Variants in NBEA observed in about 807,000 individuals in gnomAD.
NBEA encodes the protein neurobeachin, also known as lysosomal-trafficking regulator 2.
NBEA carries 44 observed loss-of-function variants against 343.4 expected under a neutral mutation model. That is an observed-to-expected ratio of 0.13 (90% confidence interval 0.10 to 0.16). NBEA has a LOEUF of 0.16. Among genes scored for constraint, NBEA ranks in the 10% least tolerant of loss-of-function variants. NBEA has a pLI of 1.00. For synonymous variants in NBEA, 1,175 were observed against 1,238.7 expected, an observed-to-expected ratio of 0.95 and a Z score of 1.08; for missense variants, 2,555 against 3,631.3, an observed-to-expected ratio of 0.70 and a Z score of 7.62.
At chr13:35,156,707 T>C (rs59519926) in intron 20 of NBEA, among the ~76,000 whole-genome samples, 6,668 of 152,252 alleles carry the variant, frequency 0.044, 261 homozygotes, top group African/African-American at 0.1. Flanking sequence ...AGTGTAAGAC[T>C]TTGTGCTACA....
chr13:34,967,833 T>TA (rs879846130), intron 1 of NBEA, among the ~76,000 whole-genome samples: 2 of 152,086 alleles, frequency 1.3e-5, no homozygotes, highest in Non-Finnish European at 2.9e-5. Context: ...TCAATCCTGA[T>TA]ACTACATAGA....
intron 38 of NBEA, among the ~76,000 whole-genome samples, chr13:35,393,241 T>C (rs1489040725): frequency 2.0e-5 from 3 of 152,074 alleles, no homozygotes; most frequent in Non-Finnish European, 2.9e-5. Flanking sequence ...CAAAACACAT[T>C]TTAGCACATT....
At chr13:35,564,794 C>G (rs1470393013) in intron 44 of NBEA, among the ~76,000 whole-genome samples, 2 of 152,214 alleles carry the variant, frequency 1.3e-5, no homozygotes, top group African/African-American at 2.4e-5. Context: ...ATATATACCT[C>G]TACGCCTTTG....
Position 35,110,997 on chromosome 13 carries a change from C to T in NBEA, c.2002+19C>T, listed in dbSNP as rs759813816. The T allele has an allele frequency of 6.3e-7, 1 of 1,575,460 alleles. No homozygotes were observed. The highest frequency in any genetic ancestry group is 1.1e-5 in the South Asian group (1 of 87,504). ...GGATTAGGTATGTATACCACTTCCA[C>T]TGTATTTACATTTGCCTATGATTAT... On this transcript the variant is annotated intron_variant, in intron 13 of 58. Coordinates refer to ENST00000379939, the MANE Select transcript of NBEA (RefSeq NM_001385012.1).
chr13:35,002,991 G>A (rs1211505602), intron 1 of NBEA, among the ~76,000 whole-genome samples: 1 of 152,112 alleles, frequency 6.6e-6, no homozygotes, highest in African/African-American at 2.4e-5. Flanking sequence ...TAAAACCTCA[G>A]TAAATTTCAT....
Position 35,265,399 on chromosome 13 carries a change from C to T in NBEA, c.5777-24990C>T, listed in dbSNP as rs113559849. ...AAATATGTATGGAACCACAGAAGAC[C>T]CCAAATAGCCAAAGTAATCTTGAGT... On this transcript the variant is annotated intron_variant, in intron 34 of 58. Transcript: ENST00000379939. Among the ~76,000 whole-genome samples the T allele has an allele frequency of 4.8e-3, 732 of 151,662 alleles. 8 individuals are homozygous for T. The highest frequency in any genetic ancestry group is 0.016 in the African/African-American group (646 of 41,442).
rs2085404944 is a variant in NBEA at position 35,667,279 on chromosome 13, T to C, written c.8465-95T>C. On this transcript the variant is annotated intron_variant, in intron 56 of 58. Transcript: ENST00000379939. Reference sequence around the variant, plus strand: ...CTTTCCTGTCCTCTTCCGTCACATCTGAGCGCACACCCAGCAAGGTTTTCA... The same window carrying C: ...CTTTCCTGTCCTCTTCCGTCACATCCGAGCGCACACCCAGCAAGGTTTTCA... 2.1e-5 allele frequency: 21 copies of C among 1,004,016 alleles called. No individual in the cohort carries two copies. In the South Asian group the frequency reaches 3.2e-4, roughly 15 times the overall value. The allele number at this position is 1,004,016 out of a possible 1,614,324, so 62.2% of individuals were successfully genotyped here.
chr13:35,650,897 C>T (rs967734443), intron 52 of NBEA, among the ~76,000 whole-genome samples: 2 of 152,268 alleles, frequency 1.3e-5, no homozygotes, highest in African/African-American at 4.8e-5. Flanking sequence ...TTACTGACCT[C>T]TACATTGCTC....
intron 1 of NBEA, among the ~76,000 whole-genome samples, chr13:34,993,449 A>T (rs2060831446): frequency 6.6e-6 from 1 of 152,204 alleles, no homozygotes; most frequent in Admixed American, 6.5e-5. Context: ...AGACCTTTGC[A>T]TATAGTAGAT....
intron 36 of NBEA, among the ~76,000 whole-genome samples, chr13:35,346,353 C>A (rs763778894): frequency 9.9e-5 from 15 of 152,126 alleles, no homozygotes; most frequent in Non-Finnish European, 1.2e-4. Context: ...AATATCACAT[C>A]TCTTCTCTCT....
In NBEA at chr13:35,550,491, T is replaced by G. The variant is rs778518259; in HGVS notation, c.6600T>G (p.Thr2200=). The change falls in exon 42 of 59, where the codon ACT becomes ACG. Residue 2200 remains threonine (T), a synonymous_variant. Transcript: ENST00000379939. The part of the protein sequence containing the change: ...KKIDTKVLAY[T]EGLHGKWMFS... ...GTTTATTTTAGGTTCTTGCATACAC[T>G]GAGGGACTTCACGGAAAATGGATGT... The G allele has an allele frequency of 2.5e-6, 4 of 1,610,898 alleles. No homozygotes were observed. The African/African-American group carries it at 5.3e-5, about 22-fold the overall frequency.
intron 41 of NBEA, among the ~76,000 whole-genome samples, chr13:35,537,774 G>T (rs2078629833): frequency 6.6e-6 from 1 of 152,154 alleles, no homozygotes. Context: ...GGTAACAAGG[G>T]ACTGAACAAA....
chr13:35,406,255 A>G (rs199532076), intron 38 of NBEA, among the ~76,000 whole-genome samples: 1 of 150,792 alleles, frequency 6.6e-6, no homozygotes, highest in African/African-American at 2.4e-5. Flanking sequence ...ATTTTTCCTC[A>G]ATGGCTTCAC....
At chr13:35,435,457 C>T (rs2045374291) in intron 39 of NBEA, among the ~76,000 whole-genome samples, 1 of 151,872 alleles carries the variant, frequency 6.6e-6, no homozygotes, top group Non-Finnish European at 1.5e-5. Context: ...TTGAGAAATA[C>T]AACGGAGTAG....
At chr13:35,184,875 T>A (rs1164678280) in intron 30 of NBEA, among the ~76,000 whole-genome samples, 3 of 152,258 alleles carry the variant, frequency 2.0e-5, no homozygotes, top group East Asian at 3.9e-4. Flanking sequence ...CTGTGATAGC[T>A]CCAAGATTTT....
chr13:35,213,622 T>G (rs1240136457), intron 33 of NBEA, among the ~76,000 whole-genome samples: 1 of 143,634 alleles, frequency 7.0e-6, no homozygotes, highest in Non-Finnish European at 1.6e-5. Context: ...CTTATTTTTT[T>G]TAGTAATGAT....
chr13:35,037,429 C>G (rs1334630403), intron 1 of NBEA, among the ~76,000 whole-genome samples: 1 of 152,078 alleles, frequency 6.6e-6, no homozygotes, highest in African/African-American at 2.4e-5. Context: ...TTGGTGAGGT[C>G]ATGTTTTTCT....
intron 33 of NBEA, among the ~76,000 whole-genome samples, chr13:35,223,951 G>A (rs528483337): frequency 1.3e-5 from 2 of 152,122 alleles, no homozygotes; most frequent in Non-Finnish European, 2.9e-5. Context: ...AGCATAATTC[G>A]GTTCTGTATG....
At chr13:35,615,129 CA>C (rs34475826) in intron 48 of NBEA, among the ~76,000 whole-genome samples, 33,015 of 110,946 alleles carry the variant, frequency 0.3, 4,088 homozygotes, top group South Asian at 0.43. Context: ...ACTAAAAATA[CA>C]AAAAAAAAAA....
Sources: gnomAD v4.1 joint callset for allele counts (sites outside exome capture counted in the v4.1 genomes callset) on GRCh38, gnomAD v4.1.1 for gene constraint, MANE v1.5 for transcripts, NCBI Gene and HGNC (gene_info 2026-07-23, HGNC 2026-07-21) for gene names.